The following SUMF1 variants were observed in gnomAD, a reference collection of about 807,000 sequenced individuals.
SUMF1 encodes sulfatase modifying factor 1.
In SUMF1, 48 loss-of-function variants were observed where a neutral mutation model predicts 47.6. The ratio of observed to expected loss-of-function variants is 1.01; its 90% confidence interval spans 0.80 to 1.28. The LOEUF (loss-of-function observed/expected upper bound fraction) is 1.28. Ranked by LOEUF, SUMF1 falls within the 50% of genes most tolerant of loss-of-function variation. SUMF1 has a pLI of 0.00. For synonymous variants in SUMF1, 230 were observed against 192.1 expected, an observed-to-expected ratio of 1.20 and a Z score of -1.63; for missense variants, 571 against 485.4, an observed-to-expected ratio of 1.18 and a Z score of -1.66.
intron 8 of SUMF1, among the ~76,000 whole-genome samples, chr3:4,336,410 A>G (rs1280503637): frequency 6.6e-6 from 1 of 152,126 alleles, no homozygotes; most frequent in Non-Finnish European, 1.5e-5. Context: ...TACATTTTAC[A>G]TAAGATAAAG....
intron 8 of SUMF1, among the ~76,000 whole-genome samples, chr3:4,211,121 T>TATATATATATATATATATATATATATAC (rs150373609): frequency 5.5e-5 from 7 of 128,288 alleles, no homozygotes; most frequent in Non-Finnish European, 9.9e-5. Context: ...TATATATATA[T>TATATATATATATATATATATATATATAC]ACACACACAC....
At chr3:4,381,255 T>C (rs146268874) in intron 7 of SUMF1, among the ~76,000 whole-genome samples, 3,521 of 152,230 alleles carry the variant, frequency 0.023, 86 homozygotes, top group Admixed American at 0.06. Context: ...CCAAACATCA[T>C]ATGTTCTCAC....
At chr3:4,087,891 A>G (rs1174863419) in intron 8 of SUMF1, among the ~76,000 whole-genome samples, 1 of 152,122 alleles carries the variant, frequency 6.6e-6, no homozygotes, top group Non-Finnish European at 1.5e-5. Flanking sequence ...AGCCATTCCC[A>G]GCAATTACTG....
At chr3:4,364,215 G>C (rs892066208) in intron 8 of SUMF1, among the ~76,000 whole-genome samples, 4 of 130,794 alleles carry the variant, frequency 3.1e-5, no homozygotes, top group African/African-American at 7.7e-5. Flanking sequence ...CCCGGCTTTG[G>C]TATCAGGATG....
chr3:4,321,581 T>C (rs1698835478), intron 8 of SUMF1, among the ~76,000 whole-genome samples: 1 of 151,042 alleles, frequency 6.6e-6, no homozygotes, highest in Non-Finnish European at 1.5e-5. Flanking sequence ...TCTGGAATAA[T>C]TTGAGCAAGA....
At position 4,072,870 on chromosome 3, in the gene SUMF1, G is replaced by T. The variant is rs1260595696; in HGVS notation, c.1015-4125C>A. 2.0e-5 allele frequency among the ~76,000 whole-genome samples: 3 copies of T among 152,212 alleles called. No homozygotes were observed. The East Asian group carries it at 5.8e-4, about 29-fold the overall frequency. ...AAACCTACGTTTGACTGGTGTACCTGAAAGGGATGGGGAGAATGGAACCAA... is the reference window on the plus strand; with the variant it reads ...AAACCTACGTTTGACTGGTGTACCTTAAAGGGATGGGGAGAATGGAACCAA... On this transcript the variant is annotated intron_variant and NMD_transcript_variant, in intron 8 of 12. Transcript: ENST00000448413.
chr3:4,117,870 G>T (rs1422659187), intron 8 of SUMF1, among the ~76,000 whole-genome samples: 2 of 152,018 alleles, frequency 1.3e-5, no homozygotes, highest in African/African-American at 2.4e-5. Flanking sequence ...TGGTATTCAA[G>T]TTGAGACGGC....
intron 8 of SUMF1, among the ~76,000 whole-genome samples, chr3:4,128,355 G>A (rs1015364540): frequency 6.6e-6 from 1 of 152,170 alleles, no homozygotes; most frequent in Non-Finnish European, 1.5e-5. Flanking sequence ...TGATGAAGCA[G>A]GGGACACCGA....
chr3:4,127,303 T>C (rs1156422054), intron 8 of SUMF1, among the ~76,000 whole-genome samples: 3 of 152,154 alleles, frequency 2.0e-5, no homozygotes, highest in African/African-American at 7.2e-5. Context: ...TGGTGGTTAA[T>C]ATTGGGTGTC....
chr3:4,199,333 G>A (rs569483003), intron 8 of SUMF1, among the ~76,000 whole-genome samples: 1 of 152,186 alleles, frequency 6.6e-6, no homozygotes, highest in African/African-American at 2.4e-5. Context: ...TCTTATTGCT[G>A]AATGGTATTC....
chr3:4,034,656 G>A (rs549355013), intron 9 of SUMF1, among the ~76,000 whole-genome samples: 29 of 152,188 alleles, frequency 1.9e-4, no homozygotes, highest in Non-Finnish European at 3.7e-4. Flanking sequence ...AAGTCAGGAG[G>A]CATCAGCAAA....
intron 8 of SUMF1, among the ~76,000 whole-genome samples, chr3:4,341,216 C>T (rs1699265740): frequency 6.6e-6 from 1 of 151,508 alleles, no homozygotes; most frequent in Admixed American, 6.6e-5. Context: ...CAAGTTCTGG[C>T]CATTATGATG....
intron 8 of SUMF1, among the ~76,000 whole-genome samples, chr3:4,109,775 T>C (rs1693248713): frequency 6.6e-6 from 1 of 152,280 alleles, no homozygotes. Context: ...TTCAGCTCCA[T>C]CAGGTCATTT....
chr3:4,145,883 C>T (rs575838346), intron 8 of SUMF1, among the ~76,000 whole-genome samples: 7 of 152,248 alleles, frequency 4.6e-5, no homozygotes, highest in Admixed American at 1.3e-4. Context: ...CCGTCTACAG[C>T]TTTAGGCCCT....
At chr3:4,425,156 T>C (rs1226521646) in intron 3 of SUMF1, among the ~76,000 whole-genome samples, 2 of 152,180 alleles carry the variant, frequency 1.3e-5, no homozygotes. Context: ...TATAGTAGCA[T>C]AGTGGTAAGA....
chr3:4,192,556 G>T (rs562430042), intron 8 of SUMF1, among the ~76,000 whole-genome samples: 1 of 152,120 alleles, frequency 6.6e-6, no homozygotes, highest in South Asian at 2.1e-4. Flanking sequence ...GTATAATAAA[G>T]AATTTGTCTG....
chr3:4,166,778 A>G (rs1694716690), intron 8 of SUMF1, among the ~76,000 whole-genome samples: 1 of 152,012 alleles, frequency 6.6e-6, no homozygotes, highest in South Asian at 2.1e-4. Flanking sequence ...GGGACCCGAG[A>G]GCTGAATGGC....
intron 8 of SUMF1, among the ~76,000 whole-genome samples, chr3:4,271,466 T>G (rs1029853218): frequency 3.4e-4 from 37 of 108,484 alleles, no homozygotes; most frequent in Middle Eastern, 4.7e-3. Context: ...TTATACTATC[T>G]ATAGATAGAT....
intron 8 of SUMF1, among the ~76,000 whole-genome samples, chr3:4,365,004 G>C (rs1351518080): frequency 6.6e-6 from 1 of 152,016 alleles, no homozygotes; most frequent in Non-Finnish European, 1.5e-5. Flanking sequence ...TTTTTGTTCA[G>C]TTTCCATGTA....
Sources: allele counts gnomAD v4.1 joint callset (sites outside exome capture counted in the v4.1 genomes callset), GRCh38; gene constraint gnomAD v4.1.1; transcripts MANE v1.5; gene names NCBI Gene and HGNC (gene_info 2026-07-23, HGNC 2026-07-21).